Variants in ZFHX4 observed in about 807,000 individuals in gnomAD.
ZFHX4 encodes the protein zinc finger homeobox 4.
ZFHX4 carries 56 observed loss-of-function variants against 267.6 expected under a neutral mutation model. That is an observed-to-expected ratio of 0.21 (90% CI 0.17 to 0.26). The LOEUF is 0.26. Among genes scored for constraint, ZFHX4 ranks in the 10% least tolerant of loss-of-function variants. The pLI, the probability that ZFHX4 is intolerant of heterozygous loss-of-function variation, is 1.00. For missense variants in ZFHX4, 4,332 were observed against 4,420.0 expected (o/e 0.98, Z 0.56); for synonymous variants, 1,778 against 1,665.6 (o/e 1.07, Z -1.64).
At chr8:76,702,030 G>A (rs572083125) in intron 1 of ZFHX4, among the ~76,000 whole-genome samples, 1 of 152,214 alleles carries the variant, frequency 6.6e-6, no homozygotes, top group African/African-American at 2.4e-5. Context: ...GTATGAATAC[G>A]TTATTTGTGC....
At chr8:76,841,882 C>T (rs1336268568) in intron 5 of ZFHX4, among the ~76,000 whole-genome samples, 1 of 152,066 alleles carries the variant, frequency 6.6e-6, no homozygotes, top group African/African-American at 2.4e-5. Context: ...GAACAGTGGG[C>T]CTTTCACGGA....
rs1420898785 is a variant in ZFHX4 at position 76,856,423 on chromosome 8, A to G, written c.9379+123A>G. The G allele has an allele frequency of 1.3e-5, 15 of 1,125,160 alleles. No individual in the cohort carries two copies. In the East Asian group the frequency reaches 3.8e-4, roughly 29 times the overall value. The allele number at this position is 1,125,160 out of a possible 1,614,324, so 69.7% of individuals were successfully genotyped here. A position where few individuals can be genotyped will look rare whatever the true frequency, so the allele number is the denominator to read the frequency against. On this transcript the variant is annotated intron_variant, in intron 10 of 10. Coordinates refer to ENST00000651372, the MANE Select transcript of ZFHX4 (RefSeq NM_024721.5). ...TTTCAGCTAGTGAAATCAATACATT[A>G]TTTAAAGTATATATTATATTGGCTA... is the stretch of plus-strand genomic sequence containing the variant.
At chr8:76,775,280 C>A (rs1387151409) in intron 3 of ZFHX4, among the ~76,000 whole-genome samples, 1 of 152,122 alleles carries the variant, frequency 6.6e-6, no homozygotes, top group Non-Finnish European at 1.5e-5. Context: ...ATGCTTTGTA[C>A]CTAGAACTGA....
chr8:76,837,365 G>A (rs1332390479), intron 5 of ZFHX4, among the ~76,000 whole-genome samples: 2 of 152,036 alleles, frequency 1.3e-5, no homozygotes, highest in Non-Finnish European at 2.9e-5. Flanking sequence ...GTAAGATGCA[G>A]AGAAGTAACC....
chr8:76,854,912 A>G lies in ZFHX4; in HGVS notation c.7991A>G (p.Gln2664Arg), dbSNP rs772555474. The stretch of plus-strand genomic sequence containing the variant: ...ACACGAGCGCGGGAGAGGAAAGGCC[A>G]GTTCCGGGCGGTGGGTCCAGCACAG... ...QNTRARERKG[Q>R]FRAVGPAQSH... Residue 2664 changes from glutamine (Q) to arginine (R), a missense_variant, in exon 10 of 11, where the codon CAG (glutamine) becomes CGG (arginine). Physicochemically the swap from Gln to Arg is conservative, Grantham distance 43 (BLOSUM62 1). Transcript: ENST00000651372. 1 of 1,613,674 alleles carries G rather than the reference A, an allele frequency of 6.2e-7. No homozygotes were observed. Among genetic ancestry groups the G allele is most frequent in the Non-Finnish European group, 8.5e-7 (1 of 1,179,624 alleles).
At chr8:76,787,613 T>G (rs549231435) in intron 4 of ZFHX4, among the ~76,000 whole-genome samples, 2 of 132,312 alleles carry the variant, frequency 1.5e-5, no homozygotes, top group African/African-American at 5.9e-5. Context: ...CCATCCTGGC[T>G]AACACGGTGA....
In ZFHX4 at chr8:76,705,221, G is replaced by A. The variant is rs374979550; in HGVS notation, c.1133G>A (p.Gly378Asp). Residue 378 changes from glycine to aspartate, a missense_variant, in exon 2 of 11, where the codon GGC becomes GAC. Gly to Asp is a moderately conservative substitution (Grantham distance 94). Transcript: ENST00000651372. ...GAAAATGGTGACTCTTTGCCGGCTG[G>A]CTTTGCCTTCTTAAAAGGAAGCGCG... ...HVENGDSLPAGFAFLKGSAST... is the reference protein window; with the variant it reads ...HVENGDSLPADFAFLKGSAST... The A allele has an allele frequency of 5.0e-6, 8 of 1,613,864 alleles. No homozygotes were observed. The African/African-American group carries it at 8.0e-5, about 16-fold the overall frequency.
In ZFHX4 at chr8:76,866,526, G is replaced by A. The variant is rs17445167; in HGVS notation, c.*1961G>A. On this transcript the variant is annotated 3_prime_UTR_variant, in exon 11 of 11. Transcript: ENST00000651372. ...GAAGACACTTTTTTGATTGTGTTTC[G>A]TAAGAGACAACATGGCCTCCTAAGG... is the stretch of plus-strand genomic sequence containing the variant. 0.017 allele frequency: 2,542 copies of A among 149,052 alleles called. 38 individuals are homozygous for A. Among genetic ancestry groups the A allele is most frequent in the Middle Eastern group, 0.024 (7 of 288 alleles). The allele number at this position is 149,052 out of a possible 1,614,324, so 9.2% of individuals were successfully genotyped here.
chr8:76,859,606 A>C (rs1812816423), intron 10 of ZFHX4, among the ~76,000 whole-genome samples: 1 of 152,118 alleles, frequency 6.6e-6, no homozygotes. Context: ...ATGTTCCATT[A>C]GTGTTTGGAA....
intron 3 of ZFHX4, among the ~76,000 whole-genome samples, chr8:76,726,389 A>C (rs1011298173): frequency 2.0e-5 from 3 of 152,168 alleles, no homozygotes; most frequent in African/African-American, 7.2e-5. Context: ...CCCTTTTGTC[A>C]GACATTTTGG....
chr8:76,778,095 G>A, intron 3 of ZFHX4, 113 bp from the exon 4 acceptor site: 1 of 705,314 alleles, frequency 1.4e-6, no homozygotes, highest in African/African-American at 1.7e-5. Context: ...TAAGAAAAAT[G>A]CATTTGAGCA....
At chr8:76,837,597 T>G (rs1812126487) in intron 5 of ZFHX4, among the ~76,000 whole-genome samples, 1 of 152,128 alleles carries the variant, frequency 6.6e-6, no homozygotes, top group Admixed American at 6.5e-5. Flanking sequence ...GGACTCTTCC[T>G]TTTCTTTCCC....
In ZFHX4 at chr8:76,704,934, G is replaced by T. The variant is rs888095047; in HGVS notation, c.846G>T (p.Leu282Phe). 6.2e-7 allele frequency: 1 copy of T among 1,614,076 alleles called. No individual in the cohort carries two copies. ...GGAAACCTGTTTTAATGTGTTTCTT[G>T]TGCAAGTTGTCTTTTGGTTATATCA... ...GKRKPVLMCF[L>F]CKLSFGYIRS... Residue 282 changes from leucine (L) to phenylalanine (F), a missense_variant, in exon 2 of 11, where the codon TTG becomes TTT. Leu to Phe is a conservative substitution (Grantham distance 22, BLOSUM62 0). Transcript: ENST00000651372.
At chr8:76,769,604 A>G (rs915856592) in intron 3 of ZFHX4, among the ~76,000 whole-genome samples, 2 of 152,140 alleles carry the variant, frequency 1.3e-5, no homozygotes, top group Admixed American at 6.6e-5. Context: ...TGCCTGCCTC[A>G]GCCTCCCAAA....
intron 3 of ZFHX4, among the ~76,000 whole-genome samples, chr8:76,726,643 G>T (rs757369780): frequency 2.6e-5 from 4 of 152,000 alleles, no homozygotes; most frequent in Non-Finnish European, 4.4e-5. Context: ...AAGTTAAAAG[G>T]AATAACAATT....
At chr8:76,712,108 T>G (rs1808440321) in intron 3 of ZFHX4, among the ~76,000 whole-genome samples, 1 of 152,200 alleles carries the variant, frequency 6.6e-6, no homozygotes, top group Non-Finnish European at 1.5e-5. Flanking sequence ...TTTTCATATT[T>G]GGATATCAAA....
intron 3 of ZFHX4, among the ~76,000 whole-genome samples, chr8:76,743,690 T>G (rs967215630): frequency 6.6e-6 from 1 of 152,160 alleles, no homozygotes; most frequent in African/African-American, 2.4e-5. Flanking sequence ...CAGCAGTCAT[T>G]AGAAAGATGT....
At chr8:76,808,066 TC>T (rs1302746662) in intron 4 of ZFHX4, among the ~76,000 whole-genome samples, 2 of 152,104 alleles carry the variant, frequency 1.3e-5, no homozygotes. Context: ...ATACAGTATT[TC>T]CAATAGGAAA....
chr8:76,716,813 T>C (rs1259177985), intron 3 of ZFHX4, among the ~76,000 whole-genome samples: 1 of 152,186 alleles, frequency 6.6e-6, no homozygotes, highest in Non-Finnish European at 1.5e-5. Context: ...ATGACAGAGA[T>C]TTTTAAAAGT....
Sources: allele counts gnomAD v4.1 joint callset (sites outside exome capture counted in the v4.1 genomes callset), GRCh38; gene constraint gnomAD v4.1.1; transcripts MANE v1.5; gene names NCBI Gene and HGNC (gene_info 2026-07-23, HGNC 2026-07-21).